UEVLD: variants seen among roughly 807,000 people sequenced by gnomAD.
UEVLD encodes UEV and lactate/malate dehyrogenase domains, also known as ubiquitin-conjugating enzyme E2 variant 3.
In UEVLD, 47 loss-of-function variants were observed where a neutral mutation model predicts 58.6. The observed-to-expected ratio is 0.80, with a 90% confidence interval of 0.63 to 1.02. The LOEUF is 1.02. UEVLD is among the 50% of genes least tolerant of loss of function. The pLI, the probability that UEVLD is intolerant of heterozygous loss-of-function variation, is 0.00. For synonymous variants in UEVLD, 197 were observed against 195.3 expected, an observed-to-expected ratio of 1.01 and a Z score of -0.07; for missense variants, 510 against 550.6, an observed-to-expected ratio of 0.93 and a Z score of 0.74.
intron 10 of UEVLD, among the ~76,000 whole-genome samples, chr11:18,535,998 G>A (rs1473596985): frequency 6.6e-6 from 1 of 152,154 alleles, no homozygotes. Context: ...ACTGGGCATG[G>A]TGGCGCATGC....
intron 6 of UEVLD, among the ~76,000 whole-genome samples, chr11:18,564,627 G>T (rs1454722765): frequency 6.6e-6 from 1 of 152,010 alleles, no homozygotes; most frequent in Admixed American, 6.6e-5. Flanking sequence ...AAAAGAATTT[G>T]TGATTAAGTC....
intron 1 of UEVLD, among the ~76,000 whole-genome samples, chr11:18,585,311 T>C (rs1853490937): frequency 6.6e-6 from 1 of 152,250 alleles, no homozygotes; most frequent in Non-Finnish European, 1.5e-5. Context: ...TTTATCTTTT[T>C]AGGTTTTAAA....
At chr11:18,558,884 T>C (rs947567370) in intron 6 of UEVLD, among the ~76,000 whole-genome samples, 1 of 152,118 alleles carries the variant, frequency 6.6e-6, no homozygotes, top group Non-Finnish European at 1.5e-5. Flanking sequence ...GATTGCAGGT[T>C]TCTTTTGAGA....
intron 1 of UEVLD, among the ~76,000 whole-genome samples, chr11:18,581,438 C>G (rs948525943): frequency 6.6e-6 from 1 of 152,000 alleles, no homozygotes; most frequent in African/African-American, 2.4e-5. Context: ...AATCCCAGCA[C>G]ATTGGGAGGC....
At chr11:18,542,737 T>G (rs1044585880) in intron 9 of UEVLD, among the ~76,000 whole-genome samples, 16 of 152,102 alleles carry the variant, frequency 1.1e-4, no homozygotes, top group African/African-American at 3.9e-4. Context: ...AGATGACACT[T>G]TAAATTCCAA....
intron 3 of UEVLD, among the ~76,000 whole-genome samples, chr11:18,571,331 G>A (rs990421851): frequency 3.3e-5 from 5 of 152,134 alleles, no homozygotes; most frequent in African/African-American, 7.2e-5. Context: ...AGGTGACAGC[G>A]CAAGACTCTG....
chr11:18,537,254 T>A (rs537714808), intron 9 of UEVLD, among the ~76,000 whole-genome samples: 1 of 150,888 alleles, frequency 6.6e-6, no homozygotes, highest in East Asian at 1.9e-4. Context: ...TTTTACTACA[T>A]CATTTACAAA....
At chr11:18,572,804 CAAAAAAAAAA>C (rs11394988) in intron 3 of UEVLD, among the ~76,000 whole-genome samples, 1 of 103,120 alleles carries the variant, frequency 9.7e-6, no homozygotes, top group Non-Finnish European at 1.8e-5. Context: ...AACTCCATCT[CAAAAAAAAAA>C]AAAAAAGGCA....
intron 1 of UEVLD, among the ~76,000 whole-genome samples, chr11:18,584,171 T>C (rs1234391481): frequency 1.3e-5 from 2 of 152,050 alleles, no homozygotes; most frequent in African/African-American, 2.4e-5. Flanking sequence ...TTGAGGCCAG[T>C]AGTTTTGAGA....
At chr11:18,556,723 C>T (rs1000776155) in intron 7 of UEVLD, among the ~76,000 whole-genome samples, 7 of 152,076 alleles carry the variant, frequency 4.6e-5, no homozygotes, top group African/African-American at 1.7e-4. Context: ...TCCCCAAATA[C>T]GGTATTTACC....
At chr11:18,533,039 T>C (rs1850633446) in intron 11 of UEVLD, among the ~76,000 whole-genome samples, 1 of 150,988 alleles carries the variant, frequency 6.6e-6, no homozygotes, top group African/African-American at 2.4e-5. Flanking sequence ...CTCTTCTGGC[T>C]ATTTTTTCTT....
chr11:18,566,911 C>CT (rs376870290), intron 4 of UEVLD, among the ~76,000 whole-genome samples: 8 of 152,238 alleles, frequency 5.3e-5, no homozygotes, highest in African/African-American at 1.7e-4. Context: ...AGGAACTCTC[C>CT]TTTTTTTAAC....
chr11:18,575,248 C>T (rs1852840305), intron 3 of UEVLD, 99 bp downstream of exon 3: 1 of 1,304,530 alleles, frequency 7.7e-7, no homozygotes, highest in South Asian at 1.3e-5. Context: ...CATATATCTG[C>T]AATAATACTT....
At position 18,546,505 on chromosome 11, in the gene UEVLD, G is replaced by GT. The variant is rs34286769; in HGVS notation, c.886+374dup. Among the ~76,000 whole-genome samples, 189 of 142,764 alleles carry GT rather than the reference G, an allele frequency of 1.3e-3. 1 individual carries two copies. The highest frequency in any genetic ancestry group is 1.5e-3 in the Non-Finnish European group (100 of 65,190). The allele number at this position is 142,764 out of a possible 152,430, so 93.7% of individuals were successfully genotyped here. A position where few individuals can be genotyped will look rare whatever the true frequency, so the allele number is the denominator to read the frequency against. On this transcript the variant is annotated intron_variant, in intron 8 of 11. Coordinates refer to ENST00000396197, the MANE Select transcript of UEVLD (RefSeq NM_001040697.4). ...TTGTTTTGTTTTTTATTTTGTTTTTGTTTTTTTTTTTTGAGAGAGTCTCAC... is the reference window on the plus strand; with the variant it reads ...TTGTTTTGTTTTTTATTTTGTTTTTGTTTTTTTTTTTTTGAGAGAGTCTCAC...
At chr11:18,547,512 A>C (rs946762845) in intron 7 of UEVLD, among the ~76,000 whole-genome samples, 11 of 152,168 alleles carry the variant, frequency 7.2e-5, no homozygotes, top group Non-Finnish European at 1.3e-4. Context: ...TGACAGAGTG[A>C]GACTCTGTCT....
chr11:18,542,481 C>T (rs1340402114), intron 9 of UEVLD, among the ~76,000 whole-genome samples: 2 of 152,128 alleles, frequency 1.3e-5, no homozygotes, highest in Admixed American at 6.5e-5. Context: ...TATTTTTGCT[C>T]AGTCATGCTG....
chr11:18,566,332 G>A lies in UEVLD; in HGVS notation c.493+15C>T, dbSNP rs1852294721. 3 of 1,613,394 alleles carry A rather than the reference G, an allele frequency of 1.9e-6. No individual in the cohort carries two copies. Among genetic ancestry groups the A allele is most frequent in the Non-Finnish European group, 2.5e-6 (3 of 1,179,952 alleles). ...TCATAACTCTCAAGATAATCTGCCT[G>A]ACAAATATACAAACCTTCAGTGATT... On this transcript the variant is annotated intron_variant, in intron 5 of 11. Transcript: ENST00000396197.
chr11:18,536,703 C>T, intron 9 of UEVLD: 1 of 450,188 alleles, frequency 2.2e-6, no homozygotes, highest in Non-Finnish European at 4.1e-6. Flanking sequence ...CTTGCAGTCT[C>T]CTTACCTGTT....
intron 1 of UEVLD, among the ~76,000 whole-genome samples, chr11:18,581,974 T>G (rs1409159577): frequency 1.3e-5 from 2 of 152,180 alleles, no homozygotes; most frequent in South Asian, 4.1e-4. Flanking sequence ...ATAACAGACT[T>G]GTTTAGTCTG....
Sources: gnomAD v4.1 joint callset for allele counts (sites outside exome capture counted in the v4.1 genomes callset) on GRCh38, gnomAD v4.1.1 for gene constraint, MANE v1.5 for transcripts, NCBI Gene and HGNC (gene_info 2026-07-23, HGNC 2026-07-21) for gene names.